Variants in LRRC8C observed in about 807,000 individuals in gnomAD.
The protein encoded by LRRC8C is volume-regulated anion channel subunit LRRC8C.
A neutral mutation model predicts 55.3 loss-of-function variants in LRRC8C; 20 were observed. That is an observed-to-expected ratio of 0.36 (90% CI 0.25 to 0.53). The LOEUF (loss-of-function observed/expected upper bound fraction) is 0.53. Among genes scored for constraint, LRRC8C ranks in the 20% least tolerant of loss-of-function variants. LRRC8C has a pLI of 0.92. For synonymous variants in LRRC8C, 376 were observed against 360.7 expected (o/e 1.04, Z -0.48); for missense variants, 659 against 951.4 (o/e 0.69, Z 4.04).
intron 1 of LRRC8C, among the ~76,000 whole-genome samples, chr1:89,642,808 C>T (rs1169678703): frequency 6.6e-6 from 1 of 151,378 alleles, no homozygotes; most frequent in Non-Finnish European, 1.5e-5. Context: ...GATCATGCCA[C>T]TGCACTCCAG....
chr1:89,714,767 A>C lies in LRRC8C; in HGVS notation c.2197A>C (p.Thr733Pro). The C allele has an allele frequency of 6.2e-7, 1 of 1,613,802 alleles. No homozygotes were observed. Among genetic ancestry groups the C allele is most frequent in the Non-Finnish European group, 8.5e-7 (1 of 1,179,906 alleles). ...DELYFCKKLK[T>P]LKIGKNSLSV... ...ACTCTACTTCTGCAAGAAACTTAAAACTCTGAAGATTGGAAAAAACAGCCT... is the reference window on the plus strand; with the variant it reads ...ACTCTACTTCTGCAAGAAACTTAAACCTCTGAAGATTGGAAAAAACAGCCT... Residue 733 changes from threonine to proline, a missense_variant, in exon 3 of 3, where the codon ACT (threonine) becomes CCT (proline). This residue lies in a region of LRRC8C where 344 missense variants were observed against 464.6 expected (regional missense o/e 0.74). Transcript: ENST00000370454. The surrounding 1 kb of genome is among the most constrained non-coding windows in gnomAD (Gnocchi z 4.6).
At chr1:89,701,162 T>A (rs1463119808) in intron 2 of LRRC8C, among the ~76,000 whole-genome samples, 1 of 152,028 alleles carries the variant, frequency 6.6e-6, no homozygotes, top group African/African-American at 2.4e-5. Flanking sequence ...AGAAATAATT[T>A]GGGGATTATA....
chr1:89,645,971 A>G (rs1303876911), intron 1 of LRRC8C, among the ~76,000 whole-genome samples: 1 of 151,966 alleles, frequency 6.6e-6, no homozygotes, highest in Non-Finnish European at 1.5e-5. Context: ...ATAGATAGAT[A>G]GATAGATAGA....
chr1:89,674,973 A>G (rs143147593), intron 1 of LRRC8C, among the ~76,000 whole-genome samples: 1 of 152,276 alleles, frequency 6.6e-6, no homozygotes, highest in African/African-American at 2.4e-5. Flanking sequence ...GAAATTTTAA[A>G]TTTTACCCCT....
intron 2 of LRRC8C, among the ~76,000 whole-genome samples, chr1:89,691,816 A>T (rs906218551): frequency 1.3e-5 from 2 of 152,230 alleles, no homozygotes; most frequent in Admixed American, 1.3e-4. Context: ...TTTGGCTTAT[A>T]AAACAGGATT....
the LRRC8C span, among the ~76,000 whole-genome samples, chr1:89,623,195 C>T: frequency 7.9e-5 from 12 of 152,114 alleles, no homozygotes; most frequent in Middle Eastern, 3.4e-3. Context: ...CGCACACACA[C>T]ACACATTCTT....
the LRRC8C span, among the ~76,000 whole-genome samples, chr1:89,618,518 T>C: frequency 6.6e-6 from 1 of 152,154 alleles, no homozygotes; most frequent in African/African-American, 2.4e-5. Flanking sequence ...TTCATGGAGA[T>C]TGAACTGGAT....
rs754802346 is a variant in LRRC8C, at chr1:89,686,464, T to C, written c.-4-6T>C. ...ATTGATTTACAAGTAATCTCTCCTT[T>C]CTCAGAAACATGATTCCCGTGACAG... On this transcript the variant is annotated splice_region_variant and splice_polypyrimidine_tract_variant and intron_variant, in intron 1 of 2. Coordinates refer to ENST00000370454, the MANE Select transcript of LRRC8C (RefSeq NM_032270.5). The C allele has an allele frequency of 2.5e-6, 4 of 1,614,040 alleles. No individual in the cohort carries two copies. Among genetic ancestry groups the C allele is most frequent in the South Asian group, 1.1e-5 (1 of 91,082 alleles).
At chr1:89,685,485 C>T (rs1481094017) in intron 1 of LRRC8C, among the ~76,000 whole-genome samples, 1 of 152,154 alleles carries the variant, frequency 6.6e-6, no homozygotes, top group Non-Finnish European at 1.5e-5. Flanking sequence ...CTTGGCCACC[C>T]TTATTCCTTG....
chr1:89,695,226 A>G (rs888204862), intron 2 of LRRC8C, among the ~76,000 whole-genome samples: 4 of 152,108 alleles, frequency 2.6e-5, no homozygotes, highest in African/African-American at 7.2e-5. Context: ...CCGGCCCTAT[A>G]TAAAGGCTTT....
At chr1:89,647,189 T>G (rs970608175) in intron 1 of LRRC8C, among the ~76,000 whole-genome samples, 4 of 152,214 alleles carry the variant, frequency 2.6e-5, no homozygotes. Context: ...TTCTTGTAAG[T>G]ACCATATCCT....
chr1:89,651,468 T>C (rs1656776735), intron 1 of LRRC8C, among the ~76,000 whole-genome samples: 1 of 146,326 alleles, frequency 6.8e-6, no homozygotes, highest in African/African-American at 2.6e-5. Context: ...CTCGGGAGGC[T>C]GAGGCAGGAG....
rs369581421 is a variant in LRRC8C, at chr1:89,705,304, G to A, written c.139-7405G>A. ...GGGGGGAGGGGGGAGGGATAGCATT[G>A]AGAGATATACCTAATACTAGATGAC... On this transcript the variant is annotated intron_variant, in intron 2 of 2. Transcript: ENST00000370454. Among the ~76,000 whole-genome samples, 77 of 149,392 alleles carry A rather than the reference G, an allele frequency of 5.2e-4. No homozygotes were observed. In the East Asian group the frequency reaches 0.013, roughly 25 times the overall value.
the LRRC8C span, among the ~76,000 whole-genome samples, chr1:89,627,277 A>G: frequency 5.2e-4 from 79 of 151,452 alleles, no homozygotes; most frequent in Non-Finnish European, 1.0e-3. Context: ...ACCAATATAT[A>G]TATATATTTC....
chr1:89,682,135 C>G (rs564114290), intron 1 of LRRC8C, among the ~76,000 whole-genome samples: 1 of 152,284 alleles, frequency 6.6e-6, no homozygotes, highest in East Asian at 1.9e-4. Context: ...CGAGATCGCG[C>G]CATTGCACTC....
intron 1 of LRRC8C, among the ~76,000 whole-genome samples, chr1:89,636,830 A>T (rs964657739): frequency 5.3e-5 from 8 of 152,160 alleles, no homozygotes; most frequent in African/African-American, 1.4e-4. Context: ...CTATTTTAAA[A>T]TTTTTTTAAA....
intron 2 of LRRC8C, 91 bp downstream of exon 2, chr1:89,686,702 C>G (rs1333372598): frequency 7.0e-7 from 1 of 1,421,116 alleles, no homozygotes; most frequent in South Asian, 1.2e-5. Context: ...GATTTTTAAC[C>G]ATGTAAGTAT....
intron 1 of LRRC8C, among the ~76,000 whole-genome samples, chr1:89,641,447 T>C (rs1354821721): frequency 6.6e-6 from 1 of 152,250 alleles, no homozygotes; most frequent in Non-Finnish European, 1.5e-5. Flanking sequence ...TGTTTCCCTA[T>C]TAAACTTAAT....
chr1:89,624,246 C>A, the LRRC8C span, among the ~76,000 whole-genome samples: 1 of 152,158 alleles, frequency 6.6e-6, no homozygotes, highest in Non-Finnish European at 1.5e-5. Flanking sequence ...GCTTTTGCTC[C>A]AGAGAAAGAC....
Sources: gnomAD v4.1 joint callset for allele counts (sites outside exome capture counted in the v4.1 genomes callset) on GRCh38, gnomAD v4.1.1 for gene constraint, gnomAD v4.1.1 regional missense constraint, Gnocchi (gnomAD v3.1) non-coding constraint, MANE v1.5 for transcripts, NCBI Gene and HGNC (gene_info 2026-07-23, HGNC 2026-07-21) for gene names.